The following SPMIP7 variants were observed in gnomAD, a reference collection of about 807,000 sequenced individuals.
SPMIP7 encodes the protein sperm microtubule inner protein 7.
chr7:50,103,448 G>A, the SPMIP7 span, among the ~76,000 whole-genome samples: 4 of 152,212 alleles, frequency 2.6e-5, no homozygotes, highest in African/African-American at 7.2e-5. Flanking sequence ...GGTTGAGTCT[G>A]AGGTTTTCAT....
At chr7:50,099,707 A>G in the SPMIP7 span, among the ~76,000 whole-genome samples, 3 of 152,152 alleles carry the variant, frequency 2.0e-5, no homozygotes, top group Non-Finnish European at 4.4e-5. Context: ...CCATTATCCC[A>G]TAGGCAACTA....
At chr7:50,139,723 C>G in the SPMIP7 span, among the ~76,000 whole-genome samples, 1 of 152,138 alleles carries the variant, frequency 6.6e-6, no homozygotes, top group Non-Finnish European at 1.5e-5. Context: ...AGAGCTCACA[C>G]AAAGACCTAT....
At chr7:50,118,503 T>C in the SPMIP7 span, among the ~76,000 whole-genome samples, 1 of 152,246 alleles carries the variant, frequency 6.6e-6, no homozygotes. Context: ...CAGTGGGATA[T>C]CTGTATATTT....
the SPMIP7 span, among the ~76,000 whole-genome samples, chr7:50,151,134 A>C: frequency 6.6e-6 from 1 of 152,360 alleles, no homozygotes; most frequent in South Asian, 2.1e-4. Flanking sequence ...ATCTTCCTTC[A>C]TTATGAAACA....
chr7:50,147,757 C>A, the SPMIP7 span, among the ~76,000 whole-genome samples: 1 of 152,130 alleles, frequency 6.6e-6, no homozygotes, highest in African/African-American at 2.4e-5. Flanking sequence ...AGAACCAATT[C>A]ATTGTAGACT....
At chr7:50,139,518 T>C in the SPMIP7 span, among the ~76,000 whole-genome samples, 3 of 152,182 alleles carry the variant, frequency 2.0e-5, no homozygotes, top group Non-Finnish European at 4.4e-5. Flanking sequence ...AATTTACATA[T>C]CATGTGGTAA....
At chr7:50,140,979 G>C in the SPMIP7 span, among the ~76,000 whole-genome samples, 9 of 152,344 alleles carry the variant, frequency 5.9e-5, no homozygotes, top group East Asian at 1.5e-3. Context: ...GTCTCCAAAG[G>C]AGTTGTGCTG....
At chr7:50,124,577 G>C in the SPMIP7 span, among the ~76,000 whole-genome samples, 1 of 152,032 alleles carries the variant, frequency 6.6e-6, no homozygotes, top group South Asian at 2.1e-4. Context: ...ATGACCATAA[G>C]ACATCTAGGA....
the SPMIP7 span, among the ~76,000 whole-genome samples, chr7:50,128,561 A>G: frequency 6.6e-6 from 1 of 152,042 alleles, no homozygotes; most frequent in Non-Finnish European, 1.5e-5. Flanking sequence ...AATGTATCAA[A>G]TTATCACATT....
At chr7:50,157,711 T>C in the SPMIP7 span, among the ~76,000 whole-genome samples, 302 of 152,256 alleles carry the variant, frequency 2.0e-3, 2 homozygotes, top group African/African-American at 7.0e-3. Context: ...GTGTGTGTAA[T>C]TCAGATAGCA....
the SPMIP7 span, among the ~76,000 whole-genome samples, chr7:50,106,664 G>C: frequency 1.3e-5 from 2 of 152,178 alleles, no homozygotes; most frequent in South Asian, 2.1e-4. Flanking sequence ...AGTACACTAT[G>C]AGTGAGAATC....
chr7:50,117,126 A>T, the SPMIP7 span: 1 of 389,746 alleles, frequency 2.6e-6, no homozygotes, highest in Non-Finnish European at 5.1e-6. Flanking sequence ...GAAGACAGCC[A>T]TGAGGAGGCT....
At chr7:50,117,853 G>A in the SPMIP7 span, among the ~76,000 whole-genome samples, 1 of 152,144 alleles carries the variant, frequency 6.6e-6, no homozygotes, top group Non-Finnish European at 1.5e-5. Flanking sequence ...TTTTGGAGTA[G>A]TCCGTGATTT....
At chr7:50,139,257 G>A in the SPMIP7 span, among the ~76,000 whole-genome samples, 1 of 150,936 alleles carries the variant, frequency 6.6e-6, no homozygotes, top group Non-Finnish European at 1.5e-5. Context: ...GCTGAGGCAG[G>A]AGAATCACTT....
chr7:50,121,657 T>C, the SPMIP7 span, among the ~76,000 whole-genome samples: 47,209 of 152,008 alleles, frequency 0.31, 8,380 homozygotes, highest in Non-Finnish European at 0.42. Flanking sequence ...TCTTTTTTTT[T>C]TCTTTTCTTT....
At chr7:50,108,832 T>C in the SPMIP7 span, among the ~76,000 whole-genome samples, 18 of 152,198 alleles carry the variant, frequency 1.2e-4, no homozygotes, top group Non-Finnish European at 2.4e-4. Context: ...GAAATGACCA[T>C]AATGTAGTTA....
chr7:50,116,766 C>T, the SPMIP7 span, among the ~76,000 whole-genome samples: 227 of 152,184 alleles, frequency 1.5e-3, no homozygotes, highest in Non-Finnish European at 2.6e-3. Context: ...TACATAAAAA[C>T]AAAGAATCAG....
At chr7:50,134,385 T>TAC in the SPMIP7 span, 245 of 504,142 alleles carry the variant, frequency 4.9e-4, no homozygotes, top group African/African-American at 2.8e-3. Flanking sequence ...TAAATATATA[T>TAC]ACACACACAC....
chr7:50,143,159 ATTTTTTTTT>A, the SPMIP7 span, among the ~76,000 whole-genome samples: 3 of 113,636 alleles, frequency 2.6e-5, no homozygotes, highest in Non-Finnish European at 5.5e-5. Flanking sequence ...AGTGAAAGCC[ATTTTTTTTT>A]TTTTTTTTTT....
Sources: allele counts gnomAD v4.1 joint callset (sites outside exome capture counted in the v4.1 genomes callset), GRCh38; gene constraint gnomAD v4.1.1; transcripts MANE v1.5; gene names NCBI Gene and HGNC (gene_info 2026-07-23, HGNC 2026-07-21).